C17orf99: variants seen among roughly 807,000 people sequenced by gnomAD.
The protein encoded by C17orf99 is chromosome 17 open reading frame 99.
A neutral mutation model predicts 22.6 loss-of-function variants in C17orf99; 18 were observed. The observed-to-expected ratio is 0.80, with a 90% CI of 0.55 to 1.18. C17orf99 has a LOEUF of 1.18. C17orf99 is among the 50% of genes most tolerant of loss of function. The pLI is 0.00. For synonymous variants in C17orf99, 147 were observed against 136.6 expected, an observed-to-expected ratio of 1.08 and a Z score of -0.53; for missense variants, 328 against 342.7, an observed-to-expected ratio of 0.96 and a Z score of 0.34.
At chr17:78,164,483 C>T (rs1038017583) in intron 4 of C17orf99, 119 bp downstream of exon 4, 1 of 1,543,026 alleles carries the variant, frequency 6.5e-7, no homozygotes, top group Non-Finnish European at 8.7e-7. Flanking sequence ...CTGCTGAGAG[C>T]AGAGAGGGCA....
chr17:78,147,392 C>G (rs925564431), intron 2 of C17orf99, among the ~76,000 whole-genome samples: 37 of 152,284 alleles, frequency 2.4e-4, no homozygotes, highest in African/African-American at 8.7e-4. Flanking sequence ...CCCCAGGGGC[C>G]TGACATACAC....
At position 78,160,511 on chromosome 17, in the gene C17orf99, G is replaced by C. The variant is rs536396571; in HGVS notation, c.71-444G>C. Reference sequence around the variant, plus strand: ...AGATCGCGCCACTGCACTCCAGCCTGGGTGACAGAGCAAGACTCCATCTAA... The same window carrying C: ...AGATCGCGCCACTGCACTCCAGCCTCGGTGACAGAGCAAGACTCCATCTAA... On this transcript the variant is annotated intron_variant, in intron 2 of 4. Coordinates refer to ENST00000340363, the MANE Select transcript of C17orf99 (RefSeq NM_001163075.2). Among the ~76,000 whole-genome samples, 63 of 148,416 alleles carry C rather than the reference G, an allele frequency of 4.2e-4. 1 individual carries two copies. The highest frequency in any genetic ancestry group is 1.1e-3 in the Admixed American group (16 of 14,732).
At position 78,146,778 on chromosome 17, in the gene C17orf99, G is replaced by C; in HGVS notation, c.38-101G>C. 1 of 1,188,216 alleles carries C rather than the reference G, an allele frequency of 8.4e-7. No individual in the cohort carries two copies. Among genetic ancestry groups the C allele is most frequent in the East Asian group, 2.6e-5 (1 of 38,574 alleles). 73.6% of individuals were successfully genotyped at this position (1,188,216 alleles called of 1,614,324 possible). On this transcript the variant is annotated intron_variant, in intron 1 of 4. Coordinates refer to ENST00000340363, the MANE Select transcript of C17orf99 (RefSeq NM_001163075.2). The surrounding 1 kb of genome is among the most constrained non-coding windows in gnomAD (Gnocchi z 5.2). ...CCTGGGGCCTCACTACCAAGAATCA[G>C]CCTGCTCCTCCCTCCTGGCTTCAGC...
intron 3 of C17orf99, among the ~76,000 whole-genome samples, chr17:78,161,847 AAAAG>A (rs1226013210): frequency 2.6e-5 from 4 of 151,938 alleles, no homozygotes; most frequent in Non-Finnish European, 5.9e-5. Flanking sequence ...AAAAAAAAAA[AAAAG>A]AAAAAGAAAC....
At position 78,161,225 on chromosome 17, in the gene C17orf99, G is replaced by A; in HGVS notation, c.341G>A (p.Arg114Lys). 6.4e-7 allele frequency: 1 copy of A among 1,551,792 alleles called. No homozygotes were observed. The highest frequency in any genetic ancestry group is 8.7e-7 in the Non-Finnish European group (1 of 1,146,970). Residue 114 changes from arginine to lysine, a missense_variant, in exon 3 of 5, where the codon AGG (arginine) becomes AAG (lysine). Transcript: ENST00000340363. ...STSGAHVDSA[R>K]LQMHWELWSK... ...TCAGGTGCCCATGTGGACAGTGCCAGGCTACAGATGCACTGGGAGCTGTGG... is the reference window on the plus strand; with the variant it reads ...TCAGGTGCCCATGTGGACAGTGCCAAGCTACAGATGCACTGGGAGCTGTGG...
At chr17:78,150,607 A>C (rs1335972877) in intron 2 of C17orf99, among the ~76,000 whole-genome samples, 1 of 152,100 alleles carries the variant, frequency 6.6e-6, no homozygotes, top group Non-Finnish European at 1.5e-5. Flanking sequence ...GAGAGGGGAG[A>C]AAAGTTTAGG....
At chr17:78,162,938 C>A in intron 3 of C17orf99, among the ~76,000 whole-genome samples, 1 of 152,098 alleles carries the variant, frequency 6.6e-6, no homozygotes, top group Non-Finnish European at 1.5e-5. Context: ...GGCCCTTGCC[C>A]CCATGCCGGC....
chr17:78,153,250 G>T (rs1235596592), intron 2 of C17orf99, among the ~76,000 whole-genome samples: 1 of 152,026 alleles, frequency 6.6e-6, no homozygotes, highest in Non-Finnish European at 1.5e-5. Flanking sequence ...CTGGGAGGCC[G>T]ACGGGGGTGG....
chr17:78,153,110 A>G (rs2075498098), intron 2 of C17orf99, among the ~76,000 whole-genome samples: 1 of 151,580 alleles, frequency 6.6e-6, no homozygotes, highest in Admixed American at 6.6e-5. Context: ...AAAAAAAATG[A>G]TAGACCATCC....
upstream of C17orf99, among the ~76,000 whole-genome samples, chr17:78,145,616 G>A (rs1024043212): frequency 8.5e-5 from 13 of 152,088 alleles, no homozygotes; most frequent in African/African-American, 2.9e-4. Flanking sequence ...GGGTGGGGCT[G>A]CCTTTTCTCA....
chr17:78,156,389 G>A (rs994895430), intron 2 of C17orf99, among the ~76,000 whole-genome samples: 3 of 146,002 alleles, frequency 2.1e-5, no homozygotes, highest in African/African-American at 7.6e-5. Flanking sequence ...CCACTAGGAA[G>A]ATCTCAGAGA....
At chr17:78,152,204 G>C (rs186168052) in intron 2 of C17orf99, among the ~76,000 whole-genome samples, 2 of 152,068 alleles carry the variant, frequency 1.3e-5, no homozygotes, top group Admixed American at 6.6e-5. Flanking sequence ...TTTGAGACAG[G>C]GTCTCGCTCT....
chr17:78,157,410 T>TCGAA, intron 2 of C17orf99: 1 of 1,281,934 alleles, frequency 7.8e-7, no homozygotes, highest in Non-Finnish European at 1.1e-6. Flanking sequence ...CGAGTTGGAA[T>TCGAA]CGAAGCCTCT....
At position 78,165,967 on chromosome 17, in the gene C17orf99, G is replaced by A. The variant is rs1341462059; in HGVS notation, c.719G>A (p.Arg240His). 6.0e-6 allele frequency: 9 copies of A among 1,502,878 alleles called. No individual in the cohort carries two copies. In the African/African-American group the frequency reaches 6.9e-5, roughly 12 times the overall value. The allele number at this position is 1,502,878 out of a possible 1,614,324, so 93.1% of individuals were successfully genotyped here. The change falls in exon 5 of 5, where the codon CGC (arginine) becomes CAC (histidine). Residue 240 changes from arginine to histidine, a missense_variant. Arg to His is a conservative substitution (Grantham distance 29). Coordinates refer to ENST00000340363, the MANE Select transcript of C17orf99 (RefSeq NM_001163075.2). The stretch of plus-strand genomic sequence containing the variant: ...GCCTTGCCGCTCTACAGGAGCACCC[G>A]CCGTCTGAGTGAAGAGGAGTTTGGG... Reference protein sequence around the residue: ...ILALPLYRSTRRLSEEEFGGF... With the variant: ...ILALPLYRSTHRLSEEEFGGF...
At position 78,166,246 on chromosome 17, in the gene C17orf99, A is replaced by G. The variant is rs920851825; in HGVS notation, c.*200A>G. 2.7e-6 allele frequency: 1 copy of G among 374,248 alleles called. No individual in the cohort carries two copies. Among genetic ancestry groups the G allele is most frequent in the Non-Finnish European group, 4.7e-6 (1 of 212,280 alleles). 23.2% of individuals were successfully genotyped at this position (374,248 alleles called of 1,614,324 possible). A position where few individuals can be genotyped will look rare whatever the true frequency, so the allele number is the denominator to read the frequency against. ...TAGGAACCTTTGTGCTATCTATATT[A>G]TCTATATGAATCCCATCATATCAGG... On this transcript the variant is annotated 3_prime_UTR_variant, in exon 5 of 5. Transcript: ENST00000340363.
intron 2 of C17orf99, among the ~76,000 whole-genome samples, chr17:78,153,918 C>CTTTTTT (rs532705146): frequency 2.1e-4 from 17 of 79,542 alleles, no homozygotes; most frequent in South Asian, 9.8e-4. Flanking sequence ...AGTATTCCTT[C>CTTTTTT]TTTTTTTTTT....
chr17:78,156,209 A>G (rs987760741), intron 2 of C17orf99, among the ~76,000 whole-genome samples: 1 of 151,076 alleles, frequency 6.6e-6, no homozygotes, highest in African/African-American at 2.4e-5. Flanking sequence ...GGGCACCTGT[A>G]GTCCCAGCTA....
chr17:78,165,391 G>A, intron 4 of C17orf99: 1 of 985,566 alleles, frequency 1.0e-6, no homozygotes, highest in Non-Finnish European at 1.2e-6. Flanking sequence ...GGTGAGCCAT[G>A]TCACCTCGCC....
chr17:78,153,107 A>G (rs2075498059), intron 2 of C17orf99, among the ~76,000 whole-genome samples: 1 of 151,970 alleles, frequency 6.6e-6, no homozygotes, highest in Non-Finnish European at 1.5e-5. Flanking sequence ...TAAAAAAAAA[A>G]TGATAGACCA....
Sources: allele counts gnomAD v4.1 joint callset (sites outside exome capture counted in the v4.1 genomes callset), GRCh38; gene constraint gnomAD v4.1.1; non-coding constraint Gnocchi (gnomAD v3.1); transcripts MANE v1.5; gene names NCBI Gene and HGNC (gene_info 2026-07-23, HGNC 2026-07-21).